Variants in HIPK1 observed in about 807,000 individuals in gnomAD.
HIPK1 encodes homeodomain interacting protein kinase 1, also known as homeodomain-interacting protein kinase 1.
In HIPK1, 28 loss-of-function variants were observed where a neutral mutation model predicts 117.1. That is an observed-to-expected ratio of 0.24 (90% CI 0.18 to 0.33). The LOEUF is 0.33. HIPK1 is among the 10% of genes least tolerant of loss of function. The pLI is 1.00. For missense variants in HIPK1, 1,122 were observed against 1,475.1 expected, an observed-to-expected ratio of 0.76 and a Z score of 3.92; for synonymous variants, 605 against 562.5, an observed-to-expected ratio of 1.08 and a Z score of -1.07.
rs1361359898 is a variant in HIPK1 at position 113,967,803 on chromosome 1, A to C, written c.2419A>C (p.Met807Leu). The change falls in exon 12 of 16, where the codon ATG becomes CTG. Residue 807 changes from methionine (M) to leucine (L), a missense_variant. By Grantham distance (15) the Met-to-Leu change is conservative. Transcript: ENST00000426820. ...TCATGGCAACCAGTACAGCACTATC[A>C]TGCAGCAGCCATCCTTGCTGACTAA... ...HSHGNQYSTIMQQPSLLTNHV... is the reference protein window; with the variant it reads ...HSHGNQYSTILQQPSLLTNHV... 1.9e-6 allele frequency: 3 copies of C among 1,606,686 alleles called. No individual in the cohort carries two copies. Among genetic ancestry groups the C allele is most frequent in the Non-Finnish European group, 2.5e-6 (3 of 1,177,712 alleles).
In HIPK1 at chr1:113,940,735, T is replaced by C. The variant is rs1670594273; in HGVS notation, c.352T>C (p.Tyr118His). The C allele has an allele frequency of 6.2e-7, 1 of 1,614,138 alleles. No individual in the cohort carries two copies. The highest frequency in any genetic ancestry group is 8.5e-7 in the Non-Finnish European group (1 of 1,180,034). ...AAGCAACGTTTCTTTGCTTGAGCCA[T>C]ATCAAAAATGTGGATTGAAACGAAA... ...HRSNVSLLEPYQKCGLKRKSE... is the reference protein window; with the variant it reads ...HRSNVSLLEPHQKCGLKRKSE... Residue 118 changes from tyrosine (Y) to histidine (H), a missense_variant, in exon 2 of 16, where the codon TAT (tyrosine) becomes CAT (histidine). Tyr to His is a moderately conservative substitution (Grantham distance 83). Coordinates refer to ENST00000426820, the MANE Select transcript of HIPK1 (RefSeq NM_198268.3).
chr1:113,963,278 C>A, intron 9 of HIPK1, 109 bp from the exon 10 acceptor site: 1 of 1,271,970 alleles, frequency 7.9e-7, no homozygotes. Context: ...TAGATGCTAT[C>A]AAATTACTGT....
chr1:113,971,893 C>T lies in HIPK1; in HGVS notation c.3083C>T (p.Pro1028Leu), dbSNP rs1672852105. 6.2e-7 allele frequency: 1 copy of T among 1,606,568 alleles called. No individual in the cohort carries two copies. Among genetic ancestry groups the T allele is most frequent in the Admixed American group, 1.7e-5 (1 of 58,138 alleles). Residue 1028 changes from proline (P) to leucine (L), a missense_variant, in exon 15 of 16, where the codon CCC becomes CTC. Pro to Leu is a moderately conservative substitution (Grantham distance 98). Coordinates refer to ENST00000426820, the MANE Select transcript of HIPK1 (RefSeq NM_198268.3). ...CAGTCATCTGGATGCTGTATCACCC[C>T]CACAGGGTATCGAGCTCAACGCGGG... Reference protein sequence around the residue: ...SGQSSGCCITPTGYRAQRGGT... With the variant: ...SGQSSGCCITLTGYRAQRGGT...
rs76558099 is a variant in HIPK1 at position 113,940,007 on chromosome 1, A to G, written c.-2-375A>G. 9.5e-3 allele frequency among the ~76,000 whole-genome samples: 1,372 copies of G among 145,112 alleles called. 12 individuals are homozygous for G. The highest frequency in any genetic ancestry group is 0.013 in the Non-Finnish European group (875 of 67,070). ...ATTTTTAGAGACAGGGTCTCACTAC[A>G]TTGCCTAGGCTGGTCTCGAACTCCT... is the stretch of plus-strand genomic sequence containing the variant. On this transcript the variant is annotated intron_variant, in intron 1 of 15. Coordinates refer to ENST00000426820, the MANE Select transcript of HIPK1 (RefSeq NM_198268.3).
At chr1:113,929,763 C>T (rs1448420555) in intron 1 of HIPK1, 25 of 878,892 alleles carry the variant, frequency 2.8e-5, no homozygotes, top group Admixed American at 2.0e-4. Flanking sequence ...GGGAGGGAGG[C>T]TGAGGAGGCT....
In HIPK1 at chr1:113,957,205, C is replaced by G. The variant is rs146758683; in HGVS notation, c.1674C>G (p.Pro558=). The change falls in exon 7 of 16, where the codon CCC becomes CCG. Residue 558 remains proline (P), a synonymous_variant. Coordinates refer to ENST00000426820, the MANE Select transcript of HIPK1 (RefSeq NM_198268.3). ...MYDTVSQIKS[P]FTTHVAPNTS... ...ATACAGTGAGTCAGATCAAGAGTCC[C>G]TTCACTACACATGTTGCCCCAAATA... 9 of 1,613,546 alleles carry G rather than the reference C, an allele frequency of 5.6e-6. No individual in the cohort carries two copies. The East Asian group carries it at 1.1e-4, about 20-fold the overall frequency.
chr1:113,966,241 A>G lies in HIPK1; in HGVS notation c.2350A>G (p.Met784Val). 1 of 1,613,918 alleles carries G rather than the reference A, an allele frequency of 6.2e-7. No individual in the cohort carries two copies. The highest frequency in any genetic ancestry group is 1.1e-5 in the South Asian group (1 of 91,016). The stretch of plus-strand genomic sequence containing the variant: ...GCCCACAGCAATGATTCCAGAGGCC[A>G]TGGGGAGTGGACAGCAGCTAGCTGA... ...VQPTAMIPEA[M>V]GSGQQLADWR... is the part of the protein sequence containing the mutation. The change falls in exon 11 of 16, where the codon ATG becomes GTG. Residue 784 changes from methionine (M) to valine (V), a missense_variant. Met to Val is a conservative substitution (Grantham distance 21, BLOSUM62 1). This residue lies in a region of HIPK1 where 731 missense variants were observed against 860.4 expected (regional missense o/e 0.85). Coordinates refer to ENST00000426820, the MANE Select transcript of HIPK1 (RefSeq NM_198268.3).
intron 13 of HIPK1, among the ~76,000 whole-genome samples, chr1:113,969,079 C>T (rs1558148749): frequency 2.0e-5 from 3 of 151,990 alleles, no homozygotes; most frequent in Admixed American, 2.0e-4. Flanking sequence ...GCATAGCCTT[C>T]GATGGGGCTT....
At chr1:113,953,098 AAG>A (rs886785671) in intron 3 of HIPK1, among the ~76,000 whole-genome samples, 1 of 152,180 alleles carries the variant, frequency 6.6e-6, no homozygotes, top group African/African-American at 2.4e-5. Flanking sequence ...TAATAAAAAA[AAG>A]AATTTTATTT....
rs761612813 is a variant in HIPK1, at chr1:113,958,096, G to T, written c.1786G>T (p.Ala596Ser). 1.2e-6 allele frequency: 2 copies of T among 1,614,016 alleles called. No individual in the cohort carries two copies. The highest frequency in any genetic ancestry group is 1.7e-6 in the Non-Finnish European group (2 of 1,179,928). ...ASVLASSSTA[A>S]AATLSLANSD... ...TGTTCTAGCTTCCAGTTCTACTGCA[G>T]CAGCTGCTACTCTTTCTCTGGCTAA... The change falls in exon 8 of 16, where the codon GCA (alanine) becomes TCA (serine). Residue 596 changes from alanine to serine, a missense_variant. Coordinates refer to ENST00000426820, the MANE Select transcript of HIPK1 (RefSeq NM_198268.3).
At chr1:113,930,010 G>T (rs1369218174) in intron 1 of HIPK1, 1 of 985,218 alleles carries the variant, frequency 1.0e-6, no homozygotes, top group East Asian at 1.1e-4. Flanking sequence ...GGCGGGGCCG[G>T]GCCGGCCGCC....
intron 10 of HIPK1, 27 bp from the exon 11 acceptor site, chr1:113,966,103 A>G (rs767638583): frequency 4.3e-5 from 69 of 1,601,220 alleles, no homozygotes; most frequent in Admixed American, 7.0e-5. Context: ...TCAAGTCTGG[A>G]TGTTTTTTAT....
chr1:113,954,571 T>G, intron 3 of HIPK1, 80 bp from the exon 4 acceptor site: 3 of 1,462,080 alleles, frequency 2.1e-6, no homozygotes, highest in Middle Eastern at 1.8e-4. Context: ...TTGCCTAAAG[T>G]TAATGATGTT....
At chr1:113,957,487 C>G (rs1260645098) in intron 7 of HIPK1, among the ~76,000 whole-genome samples, 2 of 152,164 alleles carry the variant, frequency 1.3e-5, no homozygotes, top group Non-Finnish European at 2.9e-5. Context: ...ATATAAAGGC[C>G]TAATCCATGC....
chr1:113,971,964 A>G lies in HIPK1; in HGVS notation c.3144+10A>G, dbSNP rs766130039. On this transcript the variant is annotated intron_variant, in intron 15 of 15. Transcript: ENST00000426820. ...ACTCAATCTTAGCCAGGTAAGTGCTATGGGCTACTGCCTTCTGTTTGGGCC... is the reference window on the plus strand; with the variant it reads ...ACTCAATCTTAGCCAGGTAAGTGCTGTGGGCTACTGCCTTCTGTTTGGGCC... The G allele has an allele frequency of 3.1e-6, 5 of 1,612,736 alleles. No individual in the cohort carries two copies. The highest frequency in any genetic ancestry group is 4.5e-5 in the East Asian group (2 of 44,854).
At chr1:113,964,557 TTC>T (rs1327253715) in intron 10 of HIPK1, among the ~76,000 whole-genome samples, 2 of 152,244 alleles carry the variant, frequency 1.3e-5, no homozygotes, top group African/African-American at 2.4e-5. Flanking sequence ...ATCCTGTTAT[TTC>T]TCTGTTTTCA....
chr1:113,933,056 T>C (rs1273238638), intron 1 of HIPK1: 1 of 278,420 alleles, frequency 3.6e-6, no homozygotes, highest in Non-Finnish European at 5.4e-6. Flanking sequence ...TATAGACCTA[T>C]AGACTGTTAT....
chr1:113,966,395 T>C, intron 11 of HIPK1, 123 bp downstream of exon 11: 1 of 814,488 alleles, frequency 1.2e-6, no homozygotes, highest in Middle Eastern at 3.4e-4. Context: ...TGGAATCCTT[T>C]AAGAACCCAT....
intron 14 of HIPK1, 111 bp downstream of exon 14, chr1:113,970,308 C>A: frequency 8.6e-7 from 1 of 1,163,482 alleles, no homozygotes; most frequent in Non-Finnish European, 1.2e-6. Context: ...TGTAGACATT[C>A]TTAAAGAGAC....
Sources: gnomAD v4.1 joint callset for allele counts (sites outside exome capture counted in the v4.1 genomes callset) on GRCh38, gnomAD v4.1.1 for gene constraint, gnomAD v4.1.1 regional missense constraint, MANE v1.5 for transcripts, NCBI Gene and HGNC (gene_info 2026-07-23, HGNC 2026-07-21) for gene names.